The following FAT2 variants were observed in gnomAD, a reference collection of about 807,000 sequenced individuals.
FAT2 encodes the protein FAT atypical cadherin 2.
In FAT2, 150 loss-of-function variants were observed where a neutral mutation model predicts 295.3. The observed-to-expected ratio is 0.51, with a 90% CI of 0.44 to 0.58. The LOEUF is 0.58. Ranked by LOEUF, FAT2 falls within the 20% of genes least tolerant of loss-of-function variation. FAT2 has a pLI of 0.00. For missense variants in FAT2, 4,868 were observed against 5,442.7 expected (o/e 0.89, Z 3.32); for synonymous variants, 2,026 against 2,150.3 (o/e 0.94, Z 1.60).
chr5:151,528,668 AG>A (rs1241963001), intron 15 of FAT2, among the ~76,000 whole-genome samples: 1 of 152,194 alleles, frequency 6.6e-6, no homozygotes, highest in Non-Finnish European at 1.5e-5. Flanking sequence ...GCACCATAGC[AG>A]GGAGTGGAGG....
intron 1 of FAT2, among the ~76,000 whole-genome samples, chr5:151,577,709 TG>T (rs148660134): frequency 0.019 from 2,923 of 152,202 alleles, 97 homozygotes; most frequent in African/African-American, 0.067. Context: ...GGCCCTGAGA[TG>T]GGCAGCAAGG....
In FAT2 at chr5:151,554,764, C is replaced by T. The variant is rs1487021782; in HGVS notation, c.3634-91G>A. On this transcript the variant is annotated intron_variant, in intron 4 of 23. Coordinates refer to ENST00000261800, the MANE Select transcript of FAT2 (RefSeq NM_001447.3). ...ACCTGGAAATAGTAGTCACTTTGTT[C>T]TTTGGTATGAGCTTGTACTTTTTAT... 4 of 996,336 alleles carry T rather than the reference C, an allele frequency of 4.0e-6. No individual in the cohort carries two copies. The Admixed American group carries it at 8.7e-5, about 22-fold the overall frequency. 61.7% of individuals were successfully genotyped at this position (996,336 alleles called of 1,614,324 possible).
intron 10 of FAT2, among the ~76,000 whole-genome samples, chr5:151,541,003 A>T (rs1561846780): frequency 1.3e-5 from 2 of 152,226 alleles, no homozygotes; most frequent in Non-Finnish European, 2.9e-5. Context: ...ACTTCAAAAT[A>T]TGTGGCTGAA....
At position 151,544,070 on chromosome 5, in the gene FAT2, C is replaced by A. The variant is rs2127608955; in HGVS notation, c.7057G>T (p.Asp2353Tyr). 6.2e-7 allele frequency: 1 copy of A among 1,614,194 alleles called. No homozygotes were observed. The highest frequency in any genetic ancestry group is 8.5e-7 in the Non-Finnish European group (1 of 1,180,034). ...QHFHVKVRAM[D>Y]KGDPPLTGET... ...CCAGTGAGTGGGGGATCTCCTTTAT[C>A]CATGGCCCTGACTTTCACATGAAAG... Residue 2353 changes from aspartate (D) to tyrosine (Y), a missense_variant, in exon 10 of 24, where the codon GAT becomes TAT. By Grantham distance (160) the Asp-to-Tyr change is radical. Coordinates refer to ENST00000261800, the MANE Select transcript of FAT2 (RefSeq NM_001447.3).
rs1310052280 is a variant in FAT2, at chr5:151,544,197, C to A, written c.6930G>T (p.Gln2310His). The change falls in exon 10 of 24, where the codon CAG becomes CAT. Residue 2310 changes from glutamine to histidine, a missense_variant. Coordinates refer to ENST00000261800, the MANE Select transcript of FAT2 (RefSeq NM_001447.3). ...DSGRNRDVSY[Q>H]IVEDGSDVSK... The stretch of plus-strand genomic sequence containing the variant: ...AAACATCTGAGCCATCCTCCACAAT[C>A]TGATAAGAGACGTCACGGTTCCGCC... 6.2e-7 allele frequency: 1 copy of A among 1,614,218 alleles called. No homozygotes were observed. Among genetic ancestry groups the A allele is most frequent in the Admixed American group, 1.7e-5 (1 of 60,026 alleles).
intron 5 of FAT2, among the ~76,000 whole-genome samples, chr5:151,553,695 T>A (rs1277188191): frequency 1.3e-5 from 2 of 152,240 alleles, no homozygotes; most frequent in African/African-American, 4.8e-5. Flanking sequence ...TACATACATA[T>A]GCCCTTTGCT....
Position 151,545,591 on chromosome 5 carries a change from C to G in FAT2, c.5536G>C (p.Gly1846Arg), listed in dbSNP as rs1208123820. 6.2e-7 allele frequency: 1 copy of G among 1,613,892 alleles called. No individual in the cohort carries two copies. The highest frequency in any genetic ancestry group is 8.5e-7 in the Non-Finnish European group (1 of 1,179,962). Residue 1846 changes from glycine to arginine, a missense_variant, in exon 10 of 24, where the codon GGA becomes CGA. Gly to Arg is a moderately radical substitution (Grantham distance 125, BLOSUM62 -2). Around this residue, in one of 5 missense-constraint regions of FAT2, gnomAD observed 3,297 missense variants for 3,669.4 expected, o/e 0.90. Coordinates refer to ENST00000261800, the MANE Select transcript of FAT2 (RefSeq NM_001447.3). Reference protein sequence around the residue: ...FQFCVYVHDQGSPVLFAPRPA... With the variant: ...FQFCVYVHDQRSPVLFAPRPA... ...CTGGGTGCAAATAATACAGGGCTTC[C>G]TTGGTCATGGACATAGACACAGAAT...
At chr5:151,536,991 C>T (rs146075128) in intron 12 of FAT2, among the ~76,000 whole-genome samples, 103 of 152,304 alleles carry the variant, frequency 6.8e-4, no homozygotes, top group African/African-American at 2.3e-3. Flanking sequence ...GCCTTGAGTG[C>T]CCTTTCCCCC....
intron 1 of FAT2, among the ~76,000 whole-genome samples, chr5:151,588,645 AG>A (rs1759275872): frequency 1.3e-5 from 2 of 152,220 alleles, no homozygotes; most frequent in Non-Finnish European, 2.9e-5. Flanking sequence ...GCGCCAGGGC[AG>A]TGAGCAAGAC....
intron 3 of FAT2, among the ~76,000 whole-genome samples, chr5:151,558,522 G>C (rs2127637353): frequency 6.6e-6 from 1 of 152,072 alleles, no homozygotes; most frequent in South Asian, 2.1e-4. Context: ...GGAGACAGGA[G>C]AATTGCTTGA....
chr5:151,577,568 A>G (rs1021794028), intron 1 of FAT2, among the ~76,000 whole-genome samples: 1 of 152,134 alleles, frequency 6.6e-6, no homozygotes, highest in Non-Finnish European at 1.5e-5. Flanking sequence ...GGGAGATGCT[A>G]TTTTTTAAAG....
chr5:151,552,785 T>C (rs924083454), intron 6 of FAT2, among the ~76,000 whole-genome samples: 3 of 152,140 alleles, frequency 2.0e-5, no homozygotes, highest in East Asian at 1.9e-4. Flanking sequence ...AGCCAAAACA[T>C]TGAGCATGGC....
At position 151,567,920 on chromosome 5, in the gene FAT2, C is replaced by G; in HGVS notation, c.1012G>C (p.Gly338Arg). The G allele has an allele frequency of 6.2e-7, 1 of 1,614,126 alleles. No individual in the cohort carries two copies. Among genetic ancestry groups the G allele is most frequent in the Non-Finnish European group, 8.5e-7 (1 of 1,180,028 alleles). Residue 338 changes from glycine to arginine, a missense_variant, in exon 2 of 24, where the codon GGG becomes CGG. Physicochemically the swap from Gly to Arg is moderately radical, Grantham distance 125 (BLOSUM62 -2). Around this residue, in one of 5 missense-constraint regions of FAT2, gnomAD observed 3,297 missense variants for 3,669.4 expected, o/e 0.90. Transcript: ENST00000261800. ...TGGGAATAAAAATAAGGGCCGCTCC[C>G]ACTCCTGGCCTGGAGGCTGAGGTTG... The part of the protein sequence containing the change: ...GFNLSLQARS[G>R]SGPYFYSQIR...
intron 1 of FAT2, 66 bp from the exon 2 acceptor site, chr5:151,569,017 T>C: frequency 7.0e-7 from 1 of 1,432,730 alleles, no homozygotes. Flanking sequence ...GCTGTGATTC[T>C]TAACTGGAGG....
chr5:151,560,167 C>G (rs973559810), intron 3 of FAT2, among the ~76,000 whole-genome samples: 5 of 152,196 alleles, frequency 3.3e-5, no homozygotes. Context: ...CCATCTTCAT[C>G]TTCCTCTTCT....
chr5:151,579,762 A>G (rs542147453), intron 1 of FAT2, among the ~76,000 whole-genome samples: 1 of 152,270 alleles, frequency 6.6e-6, no homozygotes, highest in East Asian at 1.9e-4. Context: ...AGAGAAAGAT[A>G]CTAACTGAAC....
intron 3 of FAT2, among the ~76,000 whole-genome samples, chr5:151,562,494 G>A (rs1758061385): frequency 6.6e-6 from 1 of 152,118 alleles, no homozygotes; most frequent in African/African-American, 2.4e-5. Context: ...ACGCAGGCTG[G>A]GAGTAACACA....
At chr5:151,554,113 C>G (rs1480473306) in intron 5 of FAT2, among the ~76,000 whole-genome samples, 1 of 152,218 alleles carries the variant, frequency 6.6e-6, no homozygotes, top group East Asian at 1.9e-4. Context: ...CCCTGTTACT[C>G]TCACTAAATC....
rs901367398 is a variant in FAT2 at position 151,563,498 on chromosome 5, G to A, written c.3401C>T (p.Pro1134Leu). The A allele has an allele frequency of 5.6e-6, 9 of 1,614,064 alleles. No individual in the cohort carries two copies. Among genetic ancestry groups the A allele is most frequent in the African/African-American group, 1.3e-5 (1 of 74,918 alleles). The change falls in exon 3 of 24, where the codon CCA (proline) becomes CTA (leucine). Residue 1134 changes from proline to leucine, a missense_variant. Physicochemically the swap from Pro to Leu is moderately conservative, Grantham distance 98. Around this residue, in one of 5 missense-constraint regions of FAT2, gnomAD observed 3,297 missense variants for 3,669.4 expected, o/e 0.90. Transcript: ENST00000261800. ...YIEVTDANDN[P>L]PQMSQAVFYP... Reference sequence around the variant, plus strand: ...GAACACAGCTTGGGACATCTGGGGTGGGTTGTCATTGGCATCCGTAACCTC... The same window carrying A: ...GAACACAGCTTGGGACATCTGGGGTAGGTTGTCATTGGCATCCGTAACCTC...
Sources: gnomAD v4.1 joint callset for allele counts (sites outside exome capture counted in the v4.1 genomes callset) on GRCh38, gnomAD v4.1.1 for gene constraint, gnomAD v4.1.1 regional missense constraint, MANE v1.5 for transcripts, NCBI Gene and HGNC (gene_info 2026-07-23, HGNC 2026-07-21) for gene names.